The following FBXW8 variants were observed in gnomAD, a reference collection of about 807,000 sequenced individuals.
The protein encoded by FBXW8 is F-box/WD repeat-containing protein 8.
A neutral mutation model predicts 65.3 loss-of-function variants in FBXW8; 57 were observed. That is an observed-to-expected ratio of 0.87 (90% CI 0.71 to 1.09). The LOEUF (loss-of-function observed/expected upper bound fraction) is 1.09, where lower values mean the gene tolerates loss of function less well. FBXW8 is among the 50% of genes least tolerant of loss of function. The probability of loss-of-function intolerance (pLI) is 0.00; values close to 1 mark genes in which losing one functional copy is unlikely to be tolerated. For missense variants in FBXW8, 777 were observed against 814.8 expected, an observed-to-expected ratio of 0.95 and a Z score of 0.57; for synonymous variants, 308 against 330.2, an observed-to-expected ratio of 0.93 and a Z score of 0.73.
At chr12:116,942,374 A>T (rs1349023000) in intron 2 of FBXW8, among the ~76,000 whole-genome samples, 29 of 134,010 alleles carry the variant, frequency 2.2e-4, no homozygotes, top group Admixed American at 3.9e-4. Flanking sequence ...AAGTTTCCTG[A>T]TTTTTTTTTT....
chr12:116,949,880 C>T (rs1883167355), intron 4 of FBXW8, 174 bp downstream of exon 4: 2 of 640,570 alleles, frequency 3.1e-6, no homozygotes, highest in South Asian at 1.8e-5. Flanking sequence ...GACGTGAGAG[C>T]GCGCAGCAAG....
At chr12:116,935,204 A>G (rs1223542877) in intron 2 of FBXW8, among the ~76,000 whole-genome samples, 2 of 152,248 alleles carry the variant, frequency 1.3e-5, no homozygotes, top group Admixed American at 6.5e-5. Flanking sequence ...TTATGATAAT[A>G]TTGGTGAGCA....
rs200400298 is a variant in FBXW8 at position 117,024,129 on chromosome 12, C to G, written c.1368-18C>G. 1,718 of 1,607,984 alleles carry G rather than the reference C, an allele frequency of 1.1e-3. 5 individuals are homozygous for G. The highest frequency in any genetic ancestry group is 3.2e-3 in the Middle Eastern group (18 of 5,638). On this transcript the variant is annotated intron_variant, in intron 8 of 10. Transcript: ENST00000652555. ...TCTAACCCCATTTCCCTTCTCTGCT[C>G]TTCCTGGGCCTGTCCAGGGTGAGGA... is the stretch of plus-strand genomic sequence containing the variant.
chr12:117,017,776 G>A (rs1476296425), intron 8 of FBXW8, among the ~76,000 whole-genome samples: 1 of 152,172 alleles, frequency 6.6e-6, no homozygotes, highest in Admixed American at 6.5e-5. Flanking sequence ...AAACTGCCGA[G>A]CCAGACACTG....
chr12:116,991,464 C>T (rs1278660886), intron 7 of FBXW8, among the ~76,000 whole-genome samples: 1 of 152,202 alleles, frequency 6.6e-6, no homozygotes, highest in East Asian at 1.9e-4. Context: ...AATGTGATGT[C>T]ATAATTCCCA....
chr12:117,023,328 C>CT (rs1272051048), intron 8 of FBXW8, among the ~76,000 whole-genome samples: 3 of 152,122 alleles, frequency 2.0e-5, no homozygotes, highest in Non-Finnish European at 4.4e-5. Flanking sequence ...CAGGGACTGT[C>CT]TTTTCCTTTT....
intron 5 of FBXW8, among the ~76,000 whole-genome samples, chr12:116,979,972 A>C (rs951651575): frequency 3.3e-5 from 5 of 152,048 alleles, no homozygotes; most frequent in African/African-American, 9.7e-5. Context: ...CCAGGTGGGC[A>C]TGTTCATAGT....
rs549113532 is a variant in FBXW8 at position 116,919,139 on chromosome 12, G to A, written c.318+7784G>A. 2.6e-5 allele frequency among the ~76,000 whole-genome samples: 4 copies of A among 152,264 alleles called. 1 individual carries two copies. The highest frequency in any genetic ancestry group is 5.9e-5 in the Non-Finnish European group (4 of 68,028). ...CTGATGCTATGGAAAGCAAAACCGC[G>A]GATAAGGGGGGACGACTGTGTTTTC... On this transcript the variant is annotated intron_variant, in intron 1 of 10. Transcript: ENST00000652555.
At chr12:116,999,790 C>T (rs1052026609) in intron 7 of FBXW8, among the ~76,000 whole-genome samples, 7 of 152,196 alleles carry the variant, frequency 4.6e-5, no homozygotes, top group East Asian at 1.9e-4. Context: ...GCCAGGCCAG[C>T]GCCATCCTCA....
intron 8 of FBXW8, among the ~76,000 whole-genome samples, chr12:117,018,428 C>T (rs1954009969): frequency 6.6e-6 from 1 of 152,224 alleles, no homozygotes; most frequent in African/African-American, 2.4e-5. Context: ...ACCTGTTTCC[C>T]AGCGTCGAGT....
Position 116,986,638 on chromosome 12 carries a change from AGACAAAAAAAC to A in FBXW8, c.1032+1237_1032+1247del, listed in dbSNP as rs1193326516. 2.1e-3 allele frequency: 320 copies of A among 152,224 alleles called. 1 individual carries two copies. The highest frequency in any genetic ancestry group is 7.6e-3 in the African/African-American group (314 of 41,484). 9.4% of individuals were successfully genotyped at this position (152,224 alleles called of 1,614,324 possible). Reference sequence around the variant, plus strand: ...GAGACTCCGTCTCAAAAAAAAAAAAAGACAAAAAAACAACAAAAAAACGAATACTGTAGACC... The same window carrying A: ...GAGACTCCGTCTCAAAAAAAAAAAAAAACAAAAAAACGAATACTGTAGACC... On this transcript the variant is annotated intron_variant, in intron 6 of 10. Coordinates refer to ENST00000652555, the MANE Select transcript of FBXW8 (RefSeq NM_153348.3).
intron 5 of FBXW8, among the ~76,000 whole-genome samples, chr12:116,969,592 A>C (rs1169063128): frequency 6.6e-6 from 1 of 152,222 alleles, no homozygotes. Flanking sequence ...CTGCTGTCTA[A>C]AATTTGTGAC....
At chr12:116,957,429 A>G (rs1565913840) in intron 4 of FBXW8, among the ~76,000 whole-genome samples, 1 of 152,210 alleles carries the variant, frequency 6.6e-6, no homozygotes, top group Non-Finnish European at 1.5e-5. Flanking sequence ...GAATACGTAT[A>G]TATTTGCCCT....
At chr12:117,019,573 A>T (rs1418464035) in intron 8 of FBXW8, among the ~76,000 whole-genome samples, 1 of 152,164 alleles carries the variant, frequency 6.6e-6, no homozygotes, top group African/African-American at 2.4e-5. Context: ...GTGTTGTTCC[A>T]TCCTGTTTTA....
At position 116,921,821 on chromosome 12, in the gene FBXW8, AC is replaced by A. The variant is rs1442568846; in HGVS notation, c.319-6201del. On this transcript the variant is annotated intron_variant, in intron 1 of 10. Transcript: ENST00000652555. ...TTGTTAACATTTTGGTGTATTTCTGACTTTTTTTTTTTTTTTTTTTTTTTTA... is the reference window on the plus strand; with the variant it reads ...TTGTTAACATTTTGGTGTATTTCTGATTTTTTTTTTTTTTTTTTTTTTTTA... Among the ~76,000 whole-genome samples the A allele has an allele frequency of 8.0e-5, 10 of 125,514 alleles. No individual in the cohort carries two copies. The East Asian group carries it at 2.3e-3, about 29-fold the overall frequency. The allele number at this position is 125,514 out of a possible 152,430, so 82.3% of individuals were successfully genotyped here.
Position 116,990,000 on chromosome 12 carries a change from T to C in FBXW8, c.1239+1131T>C, listed in dbSNP as rs538947694. On this transcript the variant is annotated intron_variant, in intron 7 of 10. Coordinates refer to ENST00000652555, the MANE Select transcript of FBXW8 (RefSeq NM_153348.3). ...AACCTCCCGTTATTCCTCCCACCCA[T>C]AGTTGGATTCCAGCCTCTGGTGGTG... Among the ~76,000 whole-genome samples the C allele has an allele frequency of 4.6e-5, 7 of 152,322 alleles. No homozygotes were observed. The South Asian group carries it at 1.4e-3, about 32-fold the overall frequency.
At chr12:116,919,104 C>G (rs1004212208) in intron 1 of FBXW8, among the ~76,000 whole-genome samples, 5 of 152,118 alleles carry the variant, frequency 3.3e-5, no homozygotes, top group Non-Finnish European at 7.3e-5. Context: ...TAATACTGTA[C>G]TGTAAGTAAC....
At chr12:116,944,874 C>A (rs1213708045) in intron 2 of FBXW8, among the ~76,000 whole-genome samples, 1 of 152,166 alleles carries the variant, frequency 6.6e-6, no homozygotes, top group Non-Finnish European at 1.5e-5. Context: ...TAAATTCTCA[C>A]ATGCAATTTA....
chr12:117,023,199 G>A (rs914783247), intron 8 of FBXW8, among the ~76,000 whole-genome samples: 1 of 152,080 alleles, frequency 6.6e-6, no homozygotes, highest in Non-Finnish European at 1.5e-5. Flanking sequence ...GTCAGGGCAC[G>A]GGACATGTTT....
Sources: allele counts gnomAD v4.1 joint callset (sites outside exome capture counted in the v4.1 genomes callset), GRCh38; gene constraint gnomAD v4.1.1; transcripts MANE v1.5; gene names NCBI Gene and HGNC (gene_info 2026-07-23, HGNC 2026-07-21).